CUL5: variants seen among roughly 807,000 people sequenced by gnomAD.
CUL5 encodes cullin 5, also known as cullin-5.
CUL5 carries 26 observed loss-of-function variants against 108.8 expected under a neutral mutation model. The ratio of observed to expected loss-of-function variants is 0.24; its 90% CI spans 0.18 to 0.33. The LOEUF (loss-of-function observed/expected upper bound fraction) is 0.33, where lower values mean the gene tolerates loss of function less well. Ranked by LOEUF, CUL5 falls within the 10% of genes least tolerant of loss-of-function variation. The probability of loss-of-function intolerance (pLI) is 1.00; values close to 1 mark genes in which losing one functional copy is unlikely to be tolerated. For synonymous variants in CUL5, 334 were observed against 298.0 expected, an observed-to-expected ratio of 1.12 and a Z score of -1.25; for missense variants, 524 against 909.2, an observed-to-expected ratio of 0.58 and a Z score of 5.45.
chr11:108,059,289 G>A (rs1863475813), intron 7 of CUL5, among the ~76,000 whole-genome samples: 1 of 152,164 alleles, frequency 6.6e-6, no homozygotes, highest in Non-Finnish European at 1.5e-5. Flanking sequence ...TATACCCACA[G>A]TGTGTCAGGC....
intron 1 of CUL5, among the ~76,000 whole-genome samples, chr11:108,023,013 C>T (rs1862363431): frequency 6.6e-6 from 1 of 152,196 alleles, no homozygotes; most frequent in South Asian, 2.1e-4. Flanking sequence ...CTTTGGGAGG[C>T]CAAGGCAGGT....
Position 108,104,536 on chromosome 11 carries a change from C to T in CUL5, c.*152C>T, listed in dbSNP as rs1864744559. On this transcript the variant is annotated 3_prime_UTR_variant, in exon 19 of 19. Coordinates refer to ENST00000393094, the MANE Select transcript of CUL5 (RefSeq NM_003478.6). ...CCTTACAAAAACAACTATATTTTGC[C>T]AATCACATTAGTTAGCATGATGGCA... 1 of 525,676 alleles carries T rather than the reference C, an allele frequency of 1.9e-6. No homozygotes were observed. Among genetic ancestry groups the T allele is most frequent in the African/African-American group, 2.0e-5 (1 of 49,866 alleles). 32.6% of individuals were successfully genotyped at this position (525,676 alleles called of 1,614,324 possible).
Position 108,058,442 on chromosome 11 carries a change from G to T in CUL5, c.780+3487G>T, listed in dbSNP as rs375619760. On this transcript the variant is annotated intron_variant, in intron 7 of 18. Transcript: ENST00000393094. ...TTTTTGTATTTTTAGTAGAGACAGG[G>T]TTTCACCGTGTTAGCCAGGATGGTC... is the stretch of plus-strand genomic sequence containing the variant. Among the ~76,000 whole-genome samples, 61 of 151,446 alleles carry T rather than the reference G, an allele frequency of 4.0e-4. No homozygotes were observed. In the East Asian group the frequency reaches 0.011, roughly 27 times the overall value.
At chr11:108,056,080 C>T (rs1430636453) in intron 7 of CUL5, among the ~76,000 whole-genome samples, 2 of 152,094 alleles carry the variant, frequency 1.3e-5, no homozygotes, top group Middle Eastern at 3.2e-3. Flanking sequence ...TACCTGGCCT[C>T]AAAATATTAA....
rs976153532 is a variant in CUL5 at position 108,008,949 on chromosome 11, G to C, written c.-400G>C. The stretch of plus-strand genomic sequence containing the variant: ...ACGTGGCCGCGGAACCTGAGCTGCG[G>C]GGCCTAAGCCGAGCTAAATTCGTTG... On this transcript the variant is annotated 5_prime_UTR_variant, in exon 1 of 19. Coordinates refer to ENST00000393094, the MANE Select transcript of CUL5 (RefSeq NM_003478.6). 1.0e-5 allele frequency: 2 copies of C among 190,928 alleles called. No homozygotes were observed. The highest frequency in any genetic ancestry group is 4.7e-5 in the African/African-American group (2 of 42,864). 11.8% of individuals were successfully genotyped at this position (190,928 alleles called of 1,614,324 possible).
chr11:108,048,616 A>AACTCTAAT (rs1185564469), intron 3 of CUL5, among the ~76,000 whole-genome samples: 1 of 149,056 alleles, frequency 6.7e-6, no homozygotes, highest in African/African-American at 2.5e-5. Flanking sequence ...GACCAGCCCA[A>AACTCTAAT]ACTCTAATAG....
chr11:108,072,604 T>A, intron 9 of CUL5, 142 bp downstream of exon 9: 1 of 568,552 alleles, frequency 1.8e-6, no homozygotes, highest in East Asian at 2.9e-5. Flanking sequence ...AAAGTTATAG[T>A]TCAATAGGAA....
intron 1 of CUL5, among the ~76,000 whole-genome samples, chr11:108,032,631 T>C (rs1862621989): frequency 6.6e-6 from 1 of 152,216 alleles, no homozygotes; most frequent in South Asian, 2.1e-4. Context: ...GATCATTATT[T>C]TTCCTAATAT....
intron 12 of CUL5, 46 bp from the exon 13 acceptor site, chr11:108,089,446 T>C (rs1465810284): frequency 7.1e-7 from 1 of 1,417,098 alleles, no homozygotes; most frequent in Non-Finnish European, 9.5e-7. Flanking sequence ...ATTCGAGAGA[T>C]GGTAAGAGTA....
chr11:108,041,979 T>C (rs1401109075), intron 2 of CUL5, among the ~76,000 whole-genome samples: 1 of 152,196 alleles, frequency 6.6e-6, no homozygotes, highest in African/African-American at 2.4e-5. Flanking sequence ...ATGTTACTTT[T>C]GTTATAGTAA....
rs556830268 is a variant in CUL5, at chr11:108,062,474, AT to A, written c.780+7525del. 1.8e-3 allele frequency among the ~76,000 whole-genome samples: 278 copies of A among 150,998 alleles called. 1 individual carries two copies. The highest frequency in any genetic ancestry group is 6.4e-3 in the African/African-American group (264 of 41,380). ...CTGCCAGTATCATAGATTTTAAAAT[AT>A]TTTTTGTGTGCATTTAAAAATTAAT... On this transcript the variant is annotated intron_variant, in intron 7 of 18. Coordinates refer to ENST00000393094, the MANE Select transcript of CUL5 (RefSeq NM_003478.6).
At chr11:108,101,834 C>A (rs1213154133) in intron 18 of CUL5, among the ~76,000 whole-genome samples, 1 of 152,198 alleles carries the variant, frequency 6.6e-6, no homozygotes, top group Non-Finnish European at 1.5e-5. Flanking sequence ...AATGCCTCTG[C>A]TTTTCCTCTG....
In CUL5 at chr11:108,104,993, A is replaced by T. The variant is rs1864756708; in HGVS notation, c.*609A>T. On this transcript the variant is annotated 3_prime_UTR_variant, in exon 19 of 19. Transcript: ENST00000393094. ...TAATGGTGACCTAAAAATGGTATTA[A>T]ATATTTTCAACTTTCAAATGTTGGT... 1 of 152,516 alleles carries T rather than the reference A, an allele frequency of 6.6e-6. No homozygotes were observed. Among genetic ancestry groups the T allele is most frequent in the Non-Finnish European group, 1.5e-5 (1 of 67,992 alleles). The allele number at this position is 152,516 out of a possible 1,614,324, so 9.4% of individuals were successfully genotyped here.
At chr11:108,081,215 G>A (rs1458771012) in intron 11 of CUL5, among the ~76,000 whole-genome samples, 1 of 152,002 alleles carries the variant, frequency 6.6e-6, no homozygotes, top group African/African-American at 2.4e-5. Flanking sequence ...CAGAATCTGG[G>A]AGGTGGAGGT....
At position 108,089,458 on chromosome 11, in the gene CUL5, A is replaced by G. The variant is rs773006047; in HGVS notation, c.1312-34A>G. On this transcript the variant is annotated intron_variant, in intron 12 of 18. Transcript: ENST00000393094. ...TAAATTCGAGAGATGGTAAGAGTAT[A>G]TAAGAACTGAAAGTAACTTTATTTT... The G allele has an allele frequency of 6.1e-6, 9 of 1,483,922 alleles. No individual in the cohort carries two copies. In the East Asian group the frequency reaches 1.4e-4, roughly 24 times the overall value. 91.9% of individuals were successfully genotyped at this position (1,483,922 alleles called of 1,614,324 possible).
At chr11:108,054,618 G>A (rs371804055) in intron 5 of CUL5, 29 bp from the exon 6 acceptor site, 1 of 1,426,142 alleles carries the variant, frequency 7.0e-7, no homozygotes, top group Non-Finnish European at 9.7e-7. Flanking sequence ...GATCATAATT[G>A]GAGTAATACT....
At chr11:108,016,957 C>T (rs1862207838) in intron 1 of CUL5, among the ~76,000 whole-genome samples, 1 of 152,100 alleles carries the variant, frequency 6.6e-6, no homozygotes, top group Non-Finnish European at 1.5e-5. Context: ...AGACCTACCA[C>T]CTCTACAAAA....
rs569337839 is a variant in CUL5 at position 108,091,206 on chromosome 11, G to A, written c.1443+1583G>A. Among the ~76,000 whole-genome samples the A allele has an allele frequency of 4.6e-5, 7 of 151,966 alleles. No homozygotes were observed. The South Asian group carries it at 1.5e-3, about 32-fold the overall frequency. Reference sequence around the variant, plus strand: ...AGCTGGGACTACAGGTTTGTGCCATGACGCCTGGCTAATTTTTGTATTTTT... The same window carrying A: ...AGCTGGGACTACAGGTTTGTGCCATAACGCCTGGCTAATTTTTGTATTTTT... On this transcript the variant is annotated intron_variant, in intron 13 of 18. Transcript: ENST00000393094.
At chr11:108,093,213 T>C (rs1864399335) in intron 13 of CUL5, among the ~76,000 whole-genome samples, 1 of 152,240 alleles carries the variant, frequency 6.6e-6, no homozygotes, top group Non-Finnish European at 1.5e-5. Flanking sequence ...CTTGTGTAAC[T>C]TGACAGAGTA....
Sources: gnomAD v4.1 joint callset for allele counts (sites outside exome capture counted in the v4.1 genomes callset) on GRCh38, gnomAD v4.1.1 for gene constraint, MANE v1.5 for transcripts, NCBI Gene and HGNC (gene_info 2026-07-23, HGNC 2026-07-21) for gene names.